Variants in SDHAF4 observed in about 807,000 individuals in gnomAD.
SDHAF4 encodes the protein succinate dehydrogenase assembly factor 4, mitochondrial.
Under a neutral mutation model 14.3 loss-of-function variants are expected in SDHAF4, and 14 were observed. The ratio of observed to expected loss-of-function variants is 0.98; its 90% CI spans 0.65 to 1.53. The LOEUF is 1.53. SDHAF4 is among the 40% of genes most tolerant of loss of function. The pLI, the probability that SDHAF4 is intolerant of heterozygous loss-of-function variation, is 0.00. For synonymous variants in SDHAF4, 63 were observed against 47.3 expected, an observed-to-expected ratio of 1.33 and a Z score of -1.36; for missense variants, 141 against 129.3, an observed-to-expected ratio of 1.09 and a Z score of -0.44.
intron 1 of SDHAF4, 84 bp from the exon 2 acceptor site, chr6:70,579,329 TA>T: frequency 1.8e-6 from 2 of 1,134,446 alleles, no homozygotes; most frequent in Non-Finnish European, 1.2e-6. Flanking sequence ...ATGTATAAAC[TA>T]AAAACAAATA....
chr6:70,595,518 A>T, the SDHAF4 span, among the ~76,000 whole-genome samples: 1 of 152,220 alleles, frequency 6.6e-6, no homozygotes, highest in African/African-American at 2.4e-5. Flanking sequence ...TTCTTTAGAA[A>T]TATTCTATAA....
At chr6:70,567,103 C>A (rs1335047250) in intron 1 of SDHAF4, 99 bp downstream of exon 1, 1 of 1,224,576 alleles carries the variant, frequency 8.2e-7, no homozygotes, top group Non-Finnish European at 1.1e-6. Context: ...TGTGTCCTGG[C>A]CGTTCGGTGT....
intron 2 of SDHAF4, among the ~76,000 whole-genome samples, chr6:70,584,267 G>A (rs6901232): frequency 0.21 from 32,371 of 151,992 alleles, 4,030 homozygotes; most frequent in African/African-American, 0.33. Context: ...CGCTCGCCTC[G>A]GCCTCCCACA....
At position 70,588,842 on chromosome 6, in the gene SDHAF4, A is replaced by AATATATATAT. The variant is rs70990317; in HGVS notation, c.*123_*132dup. ...TCGTGTAGTTTGTATAATGTGTTTA[A>AATATATATAT]ATATATATATATATGATGGCTTTGG... On this transcript the variant is annotated 3_prime_UTR_variant, in exon 3 of 3. Coordinates refer to ENST00000370474, the MANE Select transcript of SDHAF4 (RefSeq NM_145267.3). The AATATATATAT allele has an allele frequency of 0.022, 7,378 of 342,426 alleles. 162 individuals are homozygous for AATATATATAT. Among genetic ancestry groups the AATATATATAT allele is most frequent in the Middle Eastern group, 0.05 (52 of 1,030 alleles). 21.2% of individuals were successfully genotyped at this position (342,426 alleles called of 1,614,324 possible). A position where few individuals can be genotyped will look rare whatever the true frequency, so the allele number is the denominator to read the frequency against.
downstream of SDHAF4, among the ~76,000 whole-genome samples, chr6:70,591,558 T>C (rs577700456): frequency 6.6e-6 from 1 of 152,164 alleles, no homozygotes; most frequent in East Asian, 1.9e-4. Context: ...CTCGATCTCC[T>C]GATCTCGTGA....
At chr6:70,593,016 C>T (rs1010313400), downstream of SDHAF4, among the ~76,000 whole-genome samples, 5 of 152,370 alleles carry the variant, frequency 3.3e-5, no homozygotes, top group Admixed American at 3.3e-4. Flanking sequence ...AGGGCACTCT[C>T]TAAGGGCTTG....
chr6:70,593,486 C>T (rs2128537093), downstream of SDHAF4, among the ~76,000 whole-genome samples: 1 of 152,322 alleles, frequency 6.6e-6, no homozygotes, highest in South Asian at 2.1e-4. Context: ...GACCTCAGAA[C>T]TGTAGAGCTA....
Position 70,586,561 on chromosome 6 carries a change from T to C in SDHAF4, c.218-2054T>C, listed in dbSNP as rs146497389. Among the ~76,000 whole-genome samples, 1,431 of 149,212 alleles carry C rather than the reference T, an allele frequency of 9.6e-3. 20 individuals carry two copies. Among genetic ancestry groups the C allele is most frequent in the African/African-American group, 0.033 (1,324 of 40,562 alleles). ...CATAGCATAGGGCCTGGCAGAGTAA[T>C]AGTGGAATAAATGAATGAAACTGTC... On this transcript the variant is annotated intron_variant, in intron 2 of 2. Transcript: ENST00000370474.
At position 70,588,678 on chromosome 6, in the gene SDHAF4, C is replaced by T. The variant is rs1002060986; in HGVS notation, c.281C>T (p.Thr94Ile). The change falls in exon 3 of 3, where the codon ACC becomes ATC. Residue 94 changes from threonine to isoleucine, a missense_variant. Physicochemically the swap from Thr to Ile is moderately conservative, Grantham distance 89. Coordinates refer to ENST00000370474, the MANE Select transcript of SDHAF4 (RefSeq NM_145267.3). ...GGTGGACCCAGGGGCCCAGAACCTA[C>T]CCGATATGGAGATTGGGAACGAAAA... is the stretch of plus-strand genomic sequence containing the variant. ...EKGGPRGPEP[T>I]RYGDWERKGR... 3 of 1,605,804 alleles carry T rather than the reference C, an allele frequency of 1.9e-6. No homozygotes were observed. Among genetic ancestry groups the T allele is most frequent in the Admixed American group, 3.3e-5 (2 of 59,836 alleles).
At chr6:70,579,307 T>G (rs1581929373) in intron 1 of SDHAF4, 107 bp from the exon 2 acceptor site, 2 of 941,238 alleles carry the variant, frequency 2.1e-6, no homozygotes, top group Middle Eastern at 3.8e-4. Context: ...TTTTGAACTT[T>G]GAGAAATGTG....
chr6:70,582,912 T>C (rs968961026), intron 2 of SDHAF4, among the ~76,000 whole-genome samples: 1 of 152,038 alleles, frequency 6.6e-6, no homozygotes, highest in Non-Finnish European at 1.5e-5. Flanking sequence ...TTGAAAAGAG[T>C]AGATTTCATT....
chr6:70,588,375 T>C (rs779904341), intron 2 of SDHAF4, among the ~76,000 whole-genome samples: 4 of 151,962 alleles, frequency 2.6e-5, no homozygotes, highest in South Asian at 4.2e-4. Flanking sequence ...CAAAAATTAG[T>C]TGGGCGTGGT....
At chr6:70,577,028 C>T (rs1802264397) in intron 1 of SDHAF4, among the ~76,000 whole-genome samples, 1 of 152,126 alleles carries the variant, frequency 6.6e-6, no homozygotes, top group Non-Finnish European at 1.5e-5. Flanking sequence ...ACATACATTT[C>T]CTTCTCTCTT....
downstream of SDHAF4, among the ~76,000 whole-genome samples, chr6:70,591,938 G>C (rs1765262052): frequency 6.6e-6 from 1 of 152,180 alleles, no homozygotes; most frequent in Non-Finnish European, 1.5e-5. Context: ...TGGACAAATG[G>C]GTTATCATGG....
At chr6:70,575,495 A>AAGAC (rs34486724) in intron 1 of SDHAF4, among the ~76,000 whole-genome samples, 6 of 150,292 alleles carry the variant, frequency 4.0e-5, no homozygotes, top group African/African-American at 1.2e-4. Context: ...AAAAAAAAAA[A>AAGAC]GACGCAATAA....
intron 2 of SDHAF4, among the ~76,000 whole-genome samples, chr6:70,588,079 A>G (rs1477735677): frequency 6.6e-6 from 1 of 152,214 alleles, no homozygotes; most frequent in Non-Finnish European, 1.5e-5. Context: ...CTTCAAAGTA[A>G]TCTTATTTCA....
intron 1 of SDHAF4, among the ~76,000 whole-genome samples, chr6:70,567,906 C>T (rs1802123264): frequency 6.6e-6 from 1 of 152,062 alleles, no homozygotes; most frequent in Non-Finnish European, 1.5e-5. Context: ...AGGATGGTCT[C>T]GATCTCCTGA....
intron 2 of SDHAF4, among the ~76,000 whole-genome samples, chr6:70,581,702 A>G (rs1460560797): frequency 6.6e-6 from 1 of 151,928 alleles, no homozygotes; most frequent in Non-Finnish European, 1.5e-5. Context: ...TAACCTTCCC[A>G]GCTCAAACTG....
At chr6:70,572,254 G>A (rs951069504) in intron 1 of SDHAF4, among the ~76,000 whole-genome samples, 7 of 151,454 alleles carry the variant, frequency 4.6e-5, no homozygotes, top group Admixed American at 6.6e-5. Context: ...TAGTAGAGAC[G>A]AGGTTTCACC....
Sources: allele counts gnomAD v4.1 joint callset (sites outside exome capture counted in the v4.1 genomes callset), GRCh38; gene constraint gnomAD v4.1.1; transcripts MANE v1.5; gene names NCBI Gene and HGNC (gene_info 2026-07-23, HGNC 2026-07-21).